The following CRISPLD1 variants were observed in gnomAD, a reference collection of about 807,000 sequenced individuals.
CRISPLD1 encodes cysteine rich secretory protein LCCL domain containing 1.
Under a neutral mutation model 77.5 loss-of-function variants are expected in CRISPLD1, and 60 were observed. That is an observed-to-expected ratio of 0.77 (90% CI 0.63 to 0.96). The LOEUF (loss-of-function observed/expected upper bound fraction) is 0.96. Among genes scored for constraint, CRISPLD1 ranks in the 40% least tolerant of loss-of-function variants. The pLI is 0.00. For synonymous variants in CRISPLD1, 195 were observed against 200.1 expected (o/e 0.97, Z 0.22); for missense variants, 623 against 615.8 (o/e 1.01, Z -0.12).
At position 75,017,080 on chromosome 8, in the gene CRISPLD1, A is replaced by G. The variant is rs1170476440; in HGVS notation, c.963A>G (p.Lys321=). 1 of 1,612,778 alleles carries G rather than the reference A, an allele frequency of 6.2e-7. No individual in the cohort carries two copies. The highest frequency in any genetic ancestry group is 2.2e-5 in the East Asian group (1 of 44,736). The change falls in exon 9 of 15, where the codon AAA becomes AAG. Residue 321 remains lysine (K), a synonymous_variant. Coordinates refer to ENST00000262207, the MANE Select transcript of CRISPLD1 (RefSeq NM_031461.6). The part of the protein sequence containing the change: ...YECPAGCLDS[K]AKVIGSVHYE... Reference sequence around the variant, plus strand: ...GTCCTGCTGGCTGTTTGGATAGTAAAGCTAAAGTTATTGGCAGTGTACATT... The same window carrying G: ...GTCCTGCTGGCTGTTTGGATAGTAAGGCTAAAGTTATTGGCAGTGTACATT...
At position 75,029,479 on chromosome 8, in the gene CRISPLD1, C is replaced by A. The variant is rs780589881; in HGVS notation, c.1413C>A (p.Thr471=). 6.2e-7 allele frequency: 1 copy of A among 1,613,648 alleles called. No homozygotes were observed. Among genetic ancestry groups the A allele is most frequent in the Non-Finnish European group, 8.5e-7 (1 of 1,179,680 alleles). ...VDVMPVDKRK[T]YIASFQNGIF... is the part of the protein sequence containing the mutation. ...TAATGCCTGTGGACAAAAGAAAGAC[C>A]TACATTGCTTCTTTTCAGAATGGAA... The change falls in exon 14 of 15, where the codon ACC becomes ACA. Residue 471 remains threonine (T), a synonymous_variant. Coordinates refer to ENST00000262207, the MANE Select transcript of CRISPLD1 (RefSeq NM_031461.6).
chr8:74,995,294 A>G (rs909990855), intron 2 of CRISPLD1, among the ~76,000 whole-genome samples: 1 of 152,260 alleles, frequency 6.6e-6, no homozygotes. Flanking sequence ...GCTGCTTATA[A>G]AGCTCAAGTA....
rs924875422 is a variant in CRISPLD1 at position 75,033,831 on chromosome 8, A to C, written c.*1589A>C. On this transcript the variant is annotated 3_prime_UTR_variant, in exon 15 of 15. Coordinates refer to ENST00000262207, the MANE Select transcript of CRISPLD1 (RefSeq NM_031461.6). ...CCAAATACTGGTAATTAAAACAATG[A>C]TGTATACGTTAAAGATTGCAAAACT... The C allele has an allele frequency of 6.6e-6, 1 of 151,724 alleles. No individual in the cohort carries two copies. Among genetic ancestry groups the C allele is most frequent in the East Asian group, 1.9e-4 (1 of 5,186 alleles). The allele number at this position is 151,724 out of a possible 1,614,324, so 9.4% of individuals were successfully genotyped here.
chr8:75,024,326 G>GTTGTT (rs913615548), intron 12 of CRISPLD1, among the ~76,000 whole-genome samples: 1 of 151,688 alleles, frequency 6.6e-6, no homozygotes, highest in Admixed American at 6.6e-5. Context: ...ATTTGTTGTT[G>GTTGTT]TTGTTTTGTT....
chr8:75,030,169 A>G (rs746635583), intron 14 of CRISPLD1, among the ~76,000 whole-genome samples: 2 of 152,196 alleles, frequency 1.3e-5, no homozygotes, highest in Non-Finnish European at 2.9e-5. Flanking sequence ...ATTTATTTGT[A>G]TATAGAAAAA....
intron 13 of CRISPLD1, among the ~76,000 whole-genome samples, chr8:75,026,042 A>AT (rs1377622200): frequency 6.6e-6 from 1 of 152,176 alleles, no homozygotes; most frequent in African/African-American, 2.4e-5. Flanking sequence ...GCTACATTGA[A>AT]ATATATGCAA....
intron 13 of CRISPLD1, among the ~76,000 whole-genome samples, chr8:75,025,840 C>T (rs533807883): frequency 6.6e-6 from 1 of 152,208 alleles, no homozygotes; most frequent in East Asian, 1.9e-4. Context: ...TTCACTTTCT[C>T]CCCATATGTT....
At chr8:75,011,144 C>CT in intron 2 of CRISPLD1, among the ~76,000 whole-genome samples, 1 of 148,156 alleles carries the variant, frequency 6.7e-6, no homozygotes, top group African/African-American at 2.5e-5. Context: ...TATTATTATA[C>CT]TTTAAGTTTT....
chr8:75,009,270 C>T (rs537811383), intron 2 of CRISPLD1, among the ~76,000 whole-genome samples: 4 of 151,722 alleles, frequency 2.6e-5, no homozygotes, highest in Non-Finnish European at 2.9e-5. Context: ...GCTACCTATT[C>T]ATGGTAACTG....
Position 75,017,435 on chromosome 8 carries a change from G to C in CRISPLD1, c.1112G>C (p.Gly371Ala). The C allele has an allele frequency of 6.2e-7, 1 of 1,603,084 alleles. No individual in the cohort carries two copies. The highest frequency in any genetic ancestry group is 8.5e-7 in the Non-Finnish European group (1 of 1,176,380). ...KHYFIKSNRNGIQTIGKYQSA... is the reference protein window; with the variant it reads ...KHYFIKSNRNAIQTIGKYQSA... The stretch of plus-strand genomic sequence containing the variant: ...TATTTCATCAAGTCCAATAGAAATG[G>C]TATTCAAACAATTGGGTAAGTACCA... Residue 371 changes from glycine (G) to alanine (A), a missense_variant, in exon 10 of 15, where the codon GGT becomes GCT. Transcript: ENST00000262207.
chr8:74,987,451 G>C (rs1455920719), intron 2 of CRISPLD1, among the ~76,000 whole-genome samples: 1 of 152,174 alleles, frequency 6.6e-6, no homozygotes, highest in African/African-American at 2.4e-5. Flanking sequence ...TGTGAAGATA[G>C]AAGGAGATAA....
At position 75,012,894 on chromosome 8, in the gene CRISPLD1, A is replaced by T; in HGVS notation, c.382A>T (p.Arg128Trp). 1 of 1,609,342 alleles carries T rather than the reference A, an allele frequency of 6.2e-7. No homozygotes were observed. Among genetic ancestry groups the T allele is most frequent in the Non-Finnish European group, 8.5e-7 (1 of 1,177,638 alleles). Residue 128 changes from arginine to tryptophan, a missense_variant, in exon 4 of 15, where the codon AGG becomes TGG. Physicochemically the swap from Arg to Trp is moderately radical, Grantham distance 101 (BLOSUM62 -3). Coordinates refer to ENST00000262207, the MANE Select transcript of CRISPLD1 (RefSeq NM_031461.6). ...QNLGAHWGRYRPPTFHVQSWY... is the reference protein window; with the variant it reads ...QNLGAHWGRYWPPTFHVQSWY... The stretch of plus-strand genomic sequence containing the variant: ...TGACTATTTTCTTTCTAATAGATAT[A>T]GGCCCCCGACGTTTCATGTACAATC...
At chr8:74,999,789 A>G (rs1337586993) in intron 2 of CRISPLD1, among the ~76,000 whole-genome samples, 2 of 140,438 alleles carry the variant, frequency 1.4e-5, no homozygotes. Context: ...TTTTTTTTTT[A>G]CAAAGTACTT....
chr8:75,007,476 A>G (rs1345208328), intron 2 of CRISPLD1, among the ~76,000 whole-genome samples: 1 of 152,040 alleles, frequency 6.6e-6, no homozygotes. Context: ...GCAAATTTTT[A>G]TGTATCTAGA....
At chr8:75,019,452 G>A (rs559118005) in intron 10 of CRISPLD1, among the ~76,000 whole-genome samples, 178 of 152,052 alleles carry the variant, frequency 1.2e-3, no homozygotes, top group Non-Finnish European at 1.7e-3. Context: ...AATAATGGAC[G>A]CTCCCTTAGT....
chr8:74,986,064 T>C lies in CRISPLD1; in HGVS notation c.77T>C (p.Val26Ala). The change falls in exon 2 of 15, where the codon GTT becomes GCT. Residue 26 changes from valine (V) to alanine (A), a missense_variant. Physicochemically the swap from Val to Ala is moderately conservative, Grantham distance 64. Transcript: ENST00000262207. ...GCTAGAGCAATTCCAGCCATGGTGG[T>C]TCCCAATGCCACTTTATTGGAGAAA... ...FMARAIPAMV[V>A]PNATLLEKLL... The C allele has an allele frequency of 6.2e-7, 1 of 1,614,004 alleles. No individual in the cohort carries two copies. The highest frequency in any genetic ancestry group is 8.5e-7 in the Non-Finnish European group (1 of 1,180,010).
chr8:75,007,016 A>G (rs1251224138), intron 2 of CRISPLD1, among the ~76,000 whole-genome samples: 4 of 152,126 alleles, frequency 2.6e-5, no homozygotes, highest in Non-Finnish European at 5.9e-5. Context: ...GAAAAATAAC[A>G]CCTTCCATTT....
chr8:75,013,026 T>C lies in CRISPLD1; in HGVS notation c.510+4T>C. On this transcript the variant is annotated splice_donor_region_variant and intron_variant, in intron 4 of 14. Transcript: ENST00000262207. ...TGTATGTACACATTATACACAGGTA[T>C]GTTTGGGGGGTATTATACTTAATTC... 3 of 1,573,530 alleles carry C rather than the reference T, an allele frequency of 1.9e-6. No homozygotes were observed. The highest frequency in any genetic ancestry group is 1.2e-5 in the South Asian group (1 of 83,982).
At chr8:75,000,399 A>G in intron 2 of CRISPLD1, 1 of 985,390 alleles carries the variant, frequency 1.0e-6, no homozygotes, top group Non-Finnish European at 1.2e-6. Flanking sequence ...AATCAAGAGT[A>G]CTGTGAATAA....
Sources: gnomAD v4.1 joint callset for allele counts (sites outside exome capture counted in the v4.1 genomes callset) on GRCh38, gnomAD v4.1.1 for gene constraint, MANE v1.5 for transcripts, NCBI Gene and HGNC (gene_info 2026-07-23, HGNC 2026-07-21) for gene names.